Variants in ARHGEF1 observed in about 807,000 individuals in gnomAD.
ARHGEF1 encodes the protein Rho guanine nucleotide exchange factor 1, also known as 115 kDa guanine nucleotide exchange factor.
ARHGEF1 carries 40 observed loss-of-function variants against 119.7 expected under a neutral mutation model. That is an observed-to-expected ratio of 0.33 (90% CI 0.26 to 0.44). The LOEUF (loss-of-function observed/expected upper bound fraction) is 0.44, where lower values mean the gene tolerates loss of function less well. ARHGEF1 is among the 20% of genes least tolerant of loss of function. ARHGEF1 has a pLI of 1.00. For missense variants in ARHGEF1, 976 were observed against 1,268.3 expected (o/e 0.77, Z 3.50); for synonymous variants, 494 against 521.0 (o/e 0.95, Z 0.71).
intron 11 of ARHGEF1, among the ~76,000 whole-genome samples, 191 bp from the exon 12 acceptor site, chr19:41,895,158 G>T (rs1037061161): frequency 6.6e-6 from 1 of 151,494 alleles, no homozygotes; most frequent in African/African-American, 2.4e-5. Context: ...TGGGTCTGAG[G>T]GAGGAGGGGC....
chr19:41,902,148 T>TA lies in ARHGEF1; in HGVS notation c.1414+116dup. ...AGGGTTCACATGGGGTGGGGGCAGA[T>TA]ACGCCATCCGGTCCCGAGGATCAGA... is the stretch of plus-strand genomic sequence containing the variant. On this transcript the variant is annotated intron_variant, in intron 15 of 28. Coordinates refer to ENST00000354532, the MANE Select transcript of ARHGEF1 (RefSeq NM_004706.4). The surrounding 1 kb of genome is among the most constrained non-coding windows in gnomAD (Gnocchi z 6.5). The TA allele has an allele frequency of 1.3e-6, 2 of 1,556,868 alleles. No individual in the cohort carries two copies. The highest frequency in any genetic ancestry group is 1.8e-6 in the Non-Finnish European group (2 of 1,141,332).
intron 18 of ARHGEF1, chr19:41,913,005 C>T (rs2145885925): frequency 1.6e-6 from 1 of 632,740 alleles, no homozygotes; most frequent in South Asian, 8.0e-5. Context: ...CAGCGGGGCG[C>T]TGCCCGGGGC....
At chr19:41,912,581 T>TCGGGCCC (rs2074759424) in intron 18 of ARHGEF1, among the ~76,000 whole-genome samples, 1 of 151,994 alleles carries the variant, frequency 6.6e-6, no homozygotes, top group Non-Finnish European at 1.5e-5. Context: ...TGCCCGGGCC[T>TCGGGCCC]CGGGCCCCTC....
At chr19:41,897,256 G>A in intron 13 of ARHGEF1, 1 of 1,280,864 alleles carries the variant, frequency 7.8e-7, no homozygotes, top group South Asian at 1.2e-5. Flanking sequence ...GGTGGGTGCG[G>A]GGAGGTGGGT....
At chr19:41,929,549 A>T (rs953915828) in intron 2 of ARHGEF1, 1 of 153,120 alleles carries the variant, frequency 6.5e-6, no homozygotes, top group South Asian at 2.0e-4. Context: ...CTACCCTCCT[A>T]TTCCCTCCCT....
intron 13 of ARHGEF1, chr19:41,897,201 C>A: frequency 9.4e-7 from 1 of 1,067,930 alleles, no homozygotes; most frequent in Non-Finnish European, 1.3e-6. Flanking sequence ...GGGGGGCAGG[C>A]TCTGCCTCCT....
In ARHGEF1 at chr19:41,904,911, A is replaced by G; in HGVS notation, c.2162-38A>G. On this transcript the variant is annotated intron_variant, in intron 22 of 28. Coordinates refer to ENST00000354532, the MANE Select transcript of ARHGEF1 (RefSeq NM_004706.4). The surrounding 1 kb of genome is among the most constrained non-coding windows in gnomAD (Gnocchi z 8.4). ...TTAGGGAGGGGCAGGCACTGGGGGGACCTGGGCTCTGAGCCCCATCTCCCC... is the reference window on the plus strand; with the variant it reads ...TTAGGGAGGGGCAGGCACTGGGGGGGCCTGGGCTCTGAGCCCCATCTCCCC... 3 of 1,563,570 alleles carry G rather than the reference A, an allele frequency of 1.9e-6. No homozygotes were observed. Among genetic ancestry groups the G allele is most frequent in the African/African-American group, 2.7e-5 (2 of 73,840 alleles).
chr19:41,920,691 TCA>T (rs2074836941), upstream of ARHGEF1, among the ~76,000 whole-genome samples: 3 of 152,254 alleles, frequency 2.0e-5, no homozygotes, highest in African/African-American at 4.8e-5. Flanking sequence ...GTGACACAAG[TCA>T]CACAGTCATG....
Position 41,888,705 on chromosome 19 carries a change from G to A in ARHGEF1, c.112-47G>A, listed in dbSNP as rs376299257. ...AGGAATGGGTAGGGTCAACCCTAAGGCCCCTCCTCTTCTCCCCATTGTACT... is the reference window on the plus strand; with the variant it reads ...AGGAATGGGTAGGGTCAACCCTAAGACCCCTCCTCTTCTCCCCATTGTACT... On this transcript the variant is annotated intron_variant, in intron 3 of 28. Coordinates refer to ENST00000354532, the MANE Select transcript of ARHGEF1 (RefSeq NM_004706.4). This position sits in a 1 kb window ranked among gnomAD's most constrained non-coding sequence, Gnocchi z 5.1. 52 of 1,562,080 alleles carry A rather than the reference G, an allele frequency of 3.3e-5. No homozygotes were observed. The African/African-American group carries it at 6.4e-4, about 19-fold the overall frequency.
At position 41,894,605 on chromosome 19, in the gene ARHGEF1, T is replaced by G. The variant is rs782478186; in HGVS notation, c.842-21T>G. On this transcript the variant is annotated intron_variant, in intron 10 of 28. Coordinates refer to ENST00000354532, the MANE Select transcript of ARHGEF1 (RefSeq NM_004706.4). ...CTTCCCCAGCTGCTCCCACTCACTG[T>G]CTCATTCTCTCTCGTTTCAGTTCCA... The G allele has an allele frequency of 2.5e-6, 4 of 1,613,942 alleles. No individual in the cohort carries two copies. The African/African-American group carries it at 5.3e-5, about 22-fold the overall frequency.
At chr19:41,918,724 C>T (rs1246230274), upstream of ARHGEF1, among the ~76,000 whole-genome samples, 5 of 150,664 alleles carry the variant, frequency 3.3e-5, no homozygotes, top group Admixed American at 3.3e-4. Flanking sequence ...ACCACGTACA[C>T]ACCACACACC....
chr19:41,895,380 A>C lies in ARHGEF1; in HGVS notation c.909A>C (p.Gly303=), dbSNP rs782115040. ...AEKPGATDRK[G]GVGMPSRDRN... is the part of the protein sequence containing the mutation. ...AGCCAGGTGCTACAGACCGGAAGGG[A>C]GGCGTGGGGATGCCCTCTCGGGACC... The change falls in exon 12 of 29, where the codon GGA becomes GGC. Residue 303 remains glycine (G), a synonymous_variant. Transcript: ENST00000354532. 6.2e-7 allele frequency: 1 copy of C among 1,611,782 alleles called. No individual in the cohort carries two copies. Among genetic ancestry groups the C allele is most frequent in the South Asian group, 1.1e-5 (1 of 91,004 alleles).
upstream of ARHGEF1, among the ~76,000 whole-genome samples, chr19:41,920,061 C>A (rs1555852306): frequency 7.7e-6 from 1 of 130,510 alleles, no homozygotes; most frequent in African/African-American, 3.0e-5. Flanking sequence ...ATGACACACC[C>A]AGATGTGACA....
At chr19:41,920,132 C>A (rs1249097162), upstream of ARHGEF1, among the ~76,000 whole-genome samples, 2 of 111,742 alleles carry the variant, frequency 1.8e-5, no homozygotes, top group Non-Finnish European at 3.5e-5. Context: ...CTCACACATG[C>A]GCTCACAGAC....
At chr19:41,894,139 T>TGTGA (rs782171496) in intron 8 of ARHGEF1, 68 bp from the exon 9 acceptor site, 3 of 793,632 alleles carry the variant, frequency 3.8e-6, no homozygotes, top group Admixed American at 6.2e-5. Context: ...TGTGTGAGTG[T>TGTGA]GTGTGTGTGT....
chr19:41,907,619 C>G, downstream of ARHGEF1: 1 of 554,150 alleles, frequency 1.8e-6, no homozygotes, highest in Non-Finnish European at 3.1e-6. Context: ...GCACTCCGTA[C>G]ACACACTGGG....
In ARHGEF1 at chr19:41,893,292, C is replaced by A. The variant is rs782631572; in HGVS notation, c.633C>A (p.Asp211Glu). ...LEEMQHTIST[D>E]EEKSAAVVNA... Reference sequence around the variant, plus strand: ...CCTACAGACATACCATCTCTACCGACGAAGAAAAGAGGTGAGGGGGGCAGG... The same window carrying A: ...CCTACAGACATACCATCTCTACCGAAGAAGAAAAGAGGTGAGGGGGGCAGG... The change falls in exon 8 of 29, where the codon GAC becomes GAA. Residue 211 changes from aspartate to glutamate, a missense_variant. By Grantham distance (45) the Asp-to-Glu change is conservative (BLOSUM62 2). Coordinates refer to ENST00000354532, the MANE Select transcript of ARHGEF1 (RefSeq NM_004706.4). 1 of 1,609,492 alleles carries A rather than the reference C, an allele frequency of 6.2e-7. No individual in the cohort carries two copies. Among genetic ancestry groups the A allele is most frequent in the Admixed American group, 1.7e-5 (1 of 59,506 alleles).
downstream of ARHGEF1, chr19:41,907,812 G>A (rs1443093798): frequency 2.1e-5 from 4 of 193,478 alleles, no homozygotes; most frequent in Non-Finnish European, 4.2e-5. Flanking sequence ...GCTGGGGGCG[G>A]GGTTATTGCT....
Position 41,892,692 on chromosome 19 carries a change from C to T in ARHGEF1, c.457C>T (p.Gln153Ter). 1.2e-6 allele frequency: 2 copies of T among 1,613,698 alleles called. No homozygotes were observed. The highest frequency in any genetic ancestry group is 1.7e-6 in the Non-Finnish European group (2 of 1,179,900). The change falls in exon 7 of 29, where the codon CAG becomes TAG. Residue 153 changes from glutamine to a stop codon, truncating the protein, a stop_gained. Transcript: ENST00000354532. LOFTEE classifies it high-confidence loss of function. The surrounding 1 kb of genome is among the most constrained non-coding windows in gnomAD (Gnocchi z 6.3). ...AAGCCAGCAGGTAGCCGTGGGCCGG[C>T]AGCTGGAGGACTTCCGTTCCAAGCG... is the stretch of plus-strand genomic sequence containing the variant. ...VQSQQVAVGR[Q>*]LEDFRSKRLM...
Sources: gnomAD v4.1 joint callset for allele counts (sites outside exome capture counted in the v4.1 genomes callset) on GRCh38, gnomAD v4.1.1 for gene constraint, Gnocchi (gnomAD v3.1) non-coding constraint, MANE v1.5 for transcripts, NCBI Gene and HGNC (gene_info 2026-07-23, HGNC 2026-07-21) for gene names.